The following NAALADL2 variants were observed in gnomAD, a reference collection of about 807,000 sequenced individuals.
The protein encoded by NAALADL2 is inactive N-acetylated-alpha-linked acidic dipeptidase-like protein 2.
A neutral mutation model predicts 87.2 loss-of-function variants in NAALADL2; 76 were observed. The observed-to-expected ratio is 0.87, with a 90% CI of 0.72 to 1.05. The LOEUF (loss-of-function observed/expected upper bound fraction) is 1.05, where lower values mean the gene tolerates loss of function less well. NAALADL2 is among the 50% of genes least tolerant of loss of function. The probability of loss-of-function intolerance (pLI) is 0.00; values close to 1 mark genes in which losing one functional copy is unlikely to be tolerated. For synonymous variants in NAALADL2, 354 were observed against 331.0 expected (o/e 1.07, Z -0.75); for missense variants, 1,089 against 945.8 (o/e 1.15, Z -1.99).
intron 2 of NAALADL2, among the ~76,000 whole-genome samples, chr3:174,671,528 G>A (rs1726536317): frequency 6.6e-6 from 1 of 152,070 alleles, no homozygotes; most frequent in Admixed American, 6.6e-5. Flanking sequence ...AACTGTTTCT[G>A]TCCTTAACAC....
chr3:175,740,899 T>A (rs1336849315), intron 12 of NAALADL2, among the ~76,000 whole-genome samples: 1 of 152,226 alleles, frequency 6.6e-6, no homozygotes, highest in Non-Finnish European at 1.5e-5. Flanking sequence ...CTTGGGGGTC[T>A]GGATCGGGAC....
chr3:175,433,707 T>C (rs1718163958), intron 5 of NAALADL2, among the ~76,000 whole-genome samples: 2 of 152,062 alleles, frequency 1.3e-5, no homozygotes, highest in Admixed American at 6.6e-5. Context: ...TTTTTTTCTC[T>C]TTTGGATGTG....
At chr3:174,544,535 T>G (rs1722546497) in intron 1 of NAALADL2, among the ~76,000 whole-genome samples, 1 of 151,382 alleles carries the variant, frequency 6.6e-6, no homozygotes, top group Non-Finnish European at 1.5e-5. Context: ...CAATAATCTT[T>G]TAATTTTCTT....
intron 1 of NAALADL2, among the ~76,000 whole-genome samples, chr3:175,085,677 C>G (rs903585694): frequency 6.6e-6 from 1 of 152,088 alleles, no homozygotes; most frequent in Non-Finnish European, 1.5e-5. Context: ...GTAATCCCAG[C>G]ACTTTGGGAG....
intron 1 of NAALADL2, among the ~76,000 whole-genome samples, chr3:175,078,207 T>C (rs111625842): frequency 0.025 from 3,829 of 152,000 alleles, 136 homozygotes; most frequent in African/African-American, 0.088. Context: ...GTATTTTTAT[T>C]ACAGACGAAG....
chr3:175,154,249 T>C (rs1481556229), intron 2 of NAALADL2, among the ~76,000 whole-genome samples: 1 of 152,180 alleles, frequency 6.6e-6, no homozygotes, highest in Non-Finnish European at 1.5e-5. Flanking sequence ...ATGAAAACCA[T>C]ATATCATTTC....
chr3:175,754,827 A>G (rs1747049013), intron 12 of NAALADL2, among the ~76,000 whole-genome samples: 1 of 152,196 alleles, frequency 6.6e-6, no homozygotes, highest in Non-Finnish European at 1.5e-5. Flanking sequence ...AGTTTTGGTC[A>G]ATATTAAAGA....
intron 3 of NAALADL2, among the ~76,000 whole-genome samples, chr3:174,836,570 A>G (rs1418275403): frequency 2.0e-5 from 3 of 151,964 alleles, no homozygotes; most frequent in South Asian, 2.1e-4. Flanking sequence ...TTAGCTGGAC[A>G]TGGTGGTGGG....
At chr3:175,234,581 A>T (rs781489966) in intron 3 of NAALADL2, among the ~76,000 whole-genome samples, 5 of 152,212 alleles carry the variant, frequency 3.3e-5, no homozygotes, top group Non-Finnish European at 5.9e-5. Flanking sequence ...GCACACACAA[A>T]AGAAATTAAG....
intron 2 of NAALADL2, among the ~76,000 whole-genome samples, chr3:174,583,601 G>A (rs947964377): frequency 5.3e-5 from 8 of 152,082 alleles, no homozygotes; most frequent in African/African-American, 1.9e-4. Flanking sequence ...TTTAATTTCA[G>A]CAATTGCCAT....
chr3:174,691,023 C>T lies in NAALADL2; in HGVS notation c.-114-46618C>T, dbSNP rs545530981. ...TTCCATGAATTTTCTGCCTTCCCAA[C>T]GCATATAAAAGTTATGTTATGCTAT... On this transcript the variant is annotated intron_variant, in intron 2 of 3. Coordinates refer to the NAALADL2 transcript ENST00000434257. Among the ~76,000 whole-genome samples, 64 of 152,228 alleles carry T rather than the reference C, an allele frequency of 4.2e-4. No homozygotes were observed. The South Asian group carries it at 0.012, about 28-fold the overall frequency.
At chr3:174,633,538 C>G (rs780026356) in intron 2 of NAALADL2, among the ~76,000 whole-genome samples, 1 of 152,134 alleles carries the variant, frequency 6.6e-6, no homozygotes, top group Non-Finnish European at 1.5e-5. Context: ...TAACAGATAG[C>G]TAGAACAGGA....
At chr3:174,715,689 T>A (rs1258169786) in intron 2 of NAALADL2, among the ~76,000 whole-genome samples, 2 of 152,150 alleles carry the variant, frequency 1.3e-5, no homozygotes, top group Non-Finnish European at 2.9e-5. Flanking sequence ...TCTTGCATTG[T>A]GTTGTTTGGG....
intron 1 of NAALADL2, among the ~76,000 whole-genome samples, chr3:174,870,007 CAAAAAAAAAAAA>C (rs71624295): frequency 3.2e-5 from 2 of 62,862 alleles, no homozygotes; most frequent in Admixed American, 4.4e-4. Flanking sequence ...CCCCACCCGC[CAAAAAAAAAAAA>C]AAAAAAAAAA....
chr3:175,057,688 A>T (rs1013893529), intron 1 of NAALADL2, among the ~76,000 whole-genome samples: 1 of 152,184 alleles, frequency 6.6e-6, no homozygotes, highest in African/African-American at 2.4e-5. Context: ...CCATGACTCC[A>T]TGCATTCAGA....
intron 1 of NAALADL2, among the ~76,000 whole-genome samples, chr3:174,961,892 C>A (rs1742055655): frequency 6.6e-6 from 1 of 151,972 alleles, no homozygotes; most frequent in Admixed American, 6.6e-5. Context: ...CTGATGTAAC[C>A]AGACTCTAAT....
intron 2 of NAALADL2, among the ~76,000 whole-genome samples, chr3:174,665,117 A>G (rs1487057362): frequency 1.3e-5 from 2 of 152,228 alleles, no homozygotes. Context: ...ACTTCTCAGC[A>G]GACTTGAGAA....
At chr3:174,781,904 T>G (rs981073193) in intron 3 of NAALADL2, among the ~76,000 whole-genome samples, 1 of 151,994 alleles carries the variant, frequency 6.6e-6, no homozygotes, top group Non-Finnish European at 1.5e-5. Flanking sequence ...TGGGAATGCT[T>G]CTTTCCTTTA....
intron 2 of NAALADL2, among the ~76,000 whole-genome samples, chr3:174,557,969 C>T (rs773614247): frequency 1.3e-5 from 2 of 152,168 alleles, no homozygotes; most frequent in Non-Finnish European, 2.9e-5. Context: ...TTCTTAGAGG[C>T]TCTGCACCCA....
Sources: gnomAD v4.1 joint callset for allele counts (sites outside exome capture counted in the v4.1 genomes callset) on GRCh38, gnomAD v4.1.1 for gene constraint, MANE v1.5 for transcripts, NCBI Gene and HGNC (gene_info 2026-07-23, HGNC 2026-07-21) for gene names.